The following ETV6 variants were observed in gnomAD, a reference collection of about 807,000 sequenced individuals.
The protein encoded by ETV6 is ETS variant transcription factor 6.
In ETV6, 16 loss-of-function variants were observed where a neutral mutation model predicts 51.1. The ratio of observed to expected loss-of-function variants is 0.31; its 90% CI spans 0.21 to 0.48. The LOEUF (loss-of-function observed/expected upper bound fraction) is 0.48. Among genes scored for constraint, ETV6 ranks in the 20% least tolerant of loss-of-function variants. The pLI, the probability that ETV6 is intolerant of heterozygous loss-of-function variation, is 0.99. For missense variants in ETV6, 458 were observed against 594.8 expected (o/e 0.77, Z 2.39); for synonymous variants, 240 against 224.1 (o/e 1.07, Z -0.64).
At chr12:11,769,429 G>A (rs1316990948) in intron 2 of ETV6, among the ~76,000 whole-genome samples, 1 of 150,408 alleles carries the variant, frequency 6.6e-6, no homozygotes, top group Non-Finnish European at 1.5e-5. Context: ...ACATCCAGGA[G>A]AAAATCTGAG....
At chr12:11,732,437 A>G (rs1434516592) in intron 1 of ETV6, among the ~76,000 whole-genome samples, 1 of 152,210 alleles carries the variant, frequency 6.6e-6, no homozygotes, top group Non-Finnish European at 1.5e-5. Flanking sequence ...CCAGGAGGAA[A>G]GAAGCTGGAA....
At chr12:11,741,237 C>T (rs1315094489) in intron 1 of ETV6, among the ~76,000 whole-genome samples, 3 of 152,160 alleles carry the variant, frequency 2.0e-5, no homozygotes, top group African/African-American at 7.2e-5. Context: ...TTTAAAATGG[C>T]ACAGGTGCAT....
intron 2 of ETV6, among the ~76,000 whole-genome samples, chr12:11,819,612 T>A (rs1946046412): frequency 6.6e-6 from 1 of 152,248 alleles, no homozygotes; most frequent in Non-Finnish European, 1.5e-5. Context: ...CTCTGTGGGA[T>A]GAGATGGGCG....
In ETV6 at chr12:11,728,317, C is replaced by A. The variant is rs549165143; in HGVS notation, c.34-24133C>A. Among the ~76,000 whole-genome samples, 36 of 152,356 alleles carry A rather than the reference C, an allele frequency of 2.4e-4. No homozygotes were observed. In the South Asian group the frequency reaches 7.0e-3, roughly 30 times the overall value. On this transcript the variant is annotated intron_variant, in intron 1 of 7. Coordinates refer to ENST00000396373, the MANE Select transcript of ETV6 (RefSeq NM_001987.5). Reference sequence around the variant, plus strand: ...ATACCAGGGGTCCCCAACCCCCAGACCGCAGACTAGTACTGTCCGTGGCCT... The same window carrying A: ...ATACCAGGGGTCCCCAACCCCCAGAACGCAGACTAGTACTGTCCGTGGCCT...
intron 1 of ETV6, among the ~76,000 whole-genome samples, chr12:11,719,576 A>G (rs1467042608): frequency 1.3e-5 from 2 of 152,242 alleles, no homozygotes; most frequent in Non-Finnish European, 2.9e-5. Flanking sequence ...GTAATTTTAC[A>G]GGGCTCTGAA....
At chr12:11,880,240 A>G (rs768112707) in intron 5 of ETV6, among the ~76,000 whole-genome samples, 1 of 152,198 alleles carries the variant, frequency 6.6e-6, no homozygotes, top group Non-Finnish European at 1.5e-5. Context: ...CTGAATGTCA[A>G]CGTATTTTTA....
Position 11,650,015 on chromosome 12 carries a change from A to G in ETV6, c.-113A>G, listed in dbSNP as rs1863859587. ...GGGCGGCTGCCGGGAGAGATGCTGGAAGAAACTTCTTAAATGACCGCGTCT... is the reference window on the plus strand; with the variant it reads ...GGGCGGCTGCCGGGAGAGATGCTGGGAGAAACTTCTTAAATGACCGCGTCT... On this transcript the variant is annotated 5_prime_UTR_variant, in exon 1 of 8. Transcript: ENST00000396373. The G allele has an allele frequency of 9.9e-6, 10 of 1,014,876 alleles. No homozygotes were observed. The South Asian group carries it at 1.3e-4, about 14-fold the overall frequency. 62.9% of individuals were successfully genotyped at this position (1,014,876 alleles called of 1,614,324 possible). A position where few individuals can be genotyped will look rare whatever the true frequency, so the allele number is the denominator to read the frequency against.
At chr12:11,888,752 G>A (rs989064553) in intron 7 of ETV6, among the ~76,000 whole-genome samples, 1 of 152,082 alleles carries the variant, frequency 6.6e-6, no homozygotes, top group Non-Finnish European at 1.5e-5. Context: ...GCCCAGGCTA[G>A]AGTGCAGTGG....
chr12:11,655,952 C>T (rs1863991609), intron 1 of ETV6, among the ~76,000 whole-genome samples: 1 of 152,124 alleles, frequency 6.6e-6, no homozygotes, highest in Non-Finnish European at 1.5e-5. Flanking sequence ...TTTTAGTGGC[C>T]GTTGTTCTAC....
At chr12:11,670,059 C>G (rs1198472086) in intron 1 of ETV6, among the ~76,000 whole-genome samples, 1 of 150,804 alleles carries the variant, frequency 6.6e-6, no homozygotes, top group African/African-American at 2.5e-5. Context: ...TGGGCTTGTT[C>G]ATGTTGTAGT....
intron 1 of ETV6, 90 bp from the exon 2 acceptor site, chr12:11,752,360 T>G (rs1866047312): frequency 6.9e-7 from 1 of 1,446,826 alleles, no homozygotes; most frequent in Non-Finnish European, 9.4e-7. Context: ...GCCTCCCTTT[T>G]GCTCCCCACC....
intron 1 of ETV6, among the ~76,000 whole-genome samples, chr12:11,734,479 C>T (rs1181622377): frequency 6.9e-6 from 1 of 145,446 alleles, no homozygotes; most frequent in Non-Finnish European, 1.5e-5. Context: ...TGGTGGTGCT[C>T]ACCTGTGGTC....
chr12:11,864,910 T>C (rs1946770519), intron 4 of ETV6, among the ~76,000 whole-genome samples: 1 of 152,188 alleles, frequency 6.6e-6, no homozygotes, highest in Non-Finnish European at 1.5e-5. Flanking sequence ...TCCTTCACCA[T>C]CCCAGATTAT....
intron 2 of ETV6, among the ~76,000 whole-genome samples, chr12:11,786,337 T>G (rs1228466109): frequency 1.7e-4 from 2 of 11,484 alleles, no homozygotes; most frequent in Non-Finnish European, 4.1e-4. Context: ...ACTTAATTTG[T>G]TTTTTTTTTC....
At chr12:11,679,649 A>C (rs1048188514) in intron 1 of ETV6, among the ~76,000 whole-genome samples, 1 of 152,100 alleles carries the variant, frequency 6.6e-6, no homozygotes, top group Non-Finnish European at 1.5e-5. Flanking sequence ...ATCTGACTCT[A>C]TTTATTCTTG....
At chr12:11,749,320 C>T (rs1224248284) in intron 1 of ETV6, among the ~76,000 whole-genome samples, 4 of 149,826 alleles carry the variant, frequency 2.7e-5, no homozygotes, top group Non-Finnish European at 4.5e-5. Context: ...CACACACACA[C>T]ACACACACAC....
intron 1 of ETV6, among the ~76,000 whole-genome samples, chr12:11,713,873 G>A (rs557361733): frequency 6.6e-6 from 1 of 152,318 alleles, no homozygotes; most frequent in East Asian, 1.9e-4. Flanking sequence ...AAGAGACTCA[G>A]CATTAGTATT....
intron 1 of ETV6, among the ~76,000 whole-genome samples, chr12:11,657,693 G>A (rs547072402): frequency 1.3e-5 from 2 of 152,272 alleles, no homozygotes; most frequent in East Asian, 1.9e-4. Context: ...TACGGAAAAC[G>A]ACTTCATTTC....
At chr12:11,848,484 A>G (rs2136480843) in intron 3 of ETV6, among the ~76,000 whole-genome samples, 1 of 152,294 alleles carries the variant, frequency 6.6e-6, no homozygotes, top group Middle Eastern at 3.4e-3. Context: ...AGTATTGTTC[A>G]CTCGCTCTCT....
Sources: gnomAD v4.1 joint callset for allele counts (sites outside exome capture counted in the v4.1 genomes callset) on GRCh38, gnomAD v4.1.1 for gene constraint, MANE v1.5 for transcripts, NCBI Gene and HGNC (gene_info 2026-07-23, HGNC 2026-07-21) for gene names.